Variants in UBE3B observed in about 807,000 individuals in gnomAD.
UBE3B encodes ubiquitin protein ligase E3B, also known as ubiquitin-protein ligase E3B.
A neutral mutation model predicts 132.3 loss-of-function variants in UBE3B; 80 were observed. The ratio of observed to expected loss-of-function variants is 0.60; its 90% CI spans 0.50 to 0.73. The LOEUF (loss-of-function observed/expected upper bound fraction) is 0.73. Among genes scored for constraint, UBE3B ranks in the 30% least tolerant of loss-of-function variants. The pLI is 0.00. For synonymous variants in UBE3B, 487 were observed against 520.4 expected (o/e 0.94, Z 0.87); for missense variants, 1,196 against 1,362.5 (o/e 0.88, Z 1.92).
At chr12:109,507,793 C>T (rs754894664) in intron 15 of UBE3B, 58 bp downstream of exon 15, 2 of 1,551,768 alleles carry the variant, frequency 1.3e-6, no homozygotes, top group Non-Finnish European at 8.8e-7. Context: ...GACCAAAATA[C>T]AGTGTCAGTA....
chr12:109,510,573 T>C (rs1880256389), intron 17 of UBE3B, 115 bp downstream of exon 17: 1 of 808,506 alleles, frequency 1.2e-6, no homozygotes, highest in African/African-American at 1.7e-5. Context: ...TGCTTCATTT[T>C]GTCTGTTCAT....
chr12:109,488,760 C>A, intron 7 of UBE3B, 92 bp downstream of exon 7: 2 of 1,256,244 alleles, frequency 1.6e-6, no homozygotes, highest in Non-Finnish European at 2.3e-6. Context: ...ATTTTTGCCA[C>A]AAGCCTCAGG....
intron 11 of UBE3B, among the ~76,000 whole-genome samples, 193 bp downstream of exon 11, chr12:109,498,546 G>A (rs749563584): frequency 7.2e-5 from 11 of 152,168 alleles, no homozygotes; most frequent in Non-Finnish European, 5.9e-5. Context: ...TTCCAGCCTG[G>A]CAAACTAGTT....
At chr12:109,507,166 C>G (rs958083525) in intron 14 of UBE3B, among the ~76,000 whole-genome samples, 1 of 152,208 alleles carries the variant, frequency 6.6e-6, no homozygotes, top group Non-Finnish European at 1.5e-5. Context: ...AATTGCTGAT[C>G]CCTGATTTAA....
At chr12:109,524,596 A>G (rs568362592) in intron 23 of UBE3B, 93 bp downstream of exon 23, 8 of 1,394,790 alleles carry the variant, frequency 5.7e-6, no homozygotes, top group South Asian at 4.9e-5. Context: ...AAGAGCCCCA[A>G]GCTGAGGCTC....
At chr12:109,486,597 A>AAAAAAAAAAAAAAC in intron 6 of UBE3B, 22 bp downstream of exon 6, 1 of 1,454,534 alleles carries the variant, frequency 6.9e-7, no homozygotes, top group Non-Finnish European at 9.4e-7. Context: ...AAAAAAAAAA[A>AAAAAAAAAAAAAAC]AAAAAAGCAA....
chr12:109,494,134 C>T (rs1015921911), intron 9 of UBE3B, among the ~76,000 whole-genome samples: 13 of 152,198 alleles, frequency 8.5e-5, no homozygotes, highest in African/African-American at 2.6e-4. Flanking sequence ...GGCTTTTCTC[C>T]ATTTTATAGA....
downstream of UBE3B, among the ~76,000 whole-genome samples, chr12:109,540,963 C>G (rs1716210670): frequency 2.0e-5 from 3 of 152,144 alleles, no homozygotes; most frequent in African/African-American, 7.2e-5. Context: ...CTGAGGTGGT[C>G]CTCTCCTCCT....
At chr12:109,494,086 A>G (rs1233532575) in intron 9 of UBE3B, among the ~76,000 whole-genome samples, 1 of 152,104 alleles carries the variant, frequency 6.6e-6, no homozygotes, top group East Asian at 1.9e-4. Flanking sequence ...TCAGCCTCTC[A>G]AAAAGTGCTG....
chr12:109,488,802 C>G lies in UBE3B; in HGVS notation c.544+134C>G, dbSNP rs1351237385. 3 of 754,592 alleles carry G rather than the reference C, an allele frequency of 4.0e-6. No individual in the cohort carries two copies. In the East Asian group the frequency reaches 7.5e-5, roughly 19 times the overall value. The allele number at this position is 754,592 out of a possible 1,614,324, so 46.7% of individuals were successfully genotyped here. The stretch of plus-strand genomic sequence containing the variant: ...CCTGAGACCATACAAATGAGGATGC[C>G]CTTGGTGCTGACCATCAGACTGCAT... On this transcript the variant is annotated intron_variant, in intron 7 of 27. Coordinates refer to ENST00000342494, the MANE Select transcript of UBE3B (RefSeq NM_130466.4).
intron 4 of UBE3B, among the ~76,000 whole-genome samples, chr12:109,484,435 G>A (rs898862663): frequency 6.6e-6 from 1 of 152,116 alleles, no homozygotes; most frequent in Non-Finnish European, 1.5e-5. Flanking sequence ...TCTGTCGCCA[G>A]GCTGGTGTGC....
At chr12:109,489,771 C>A in intron 7 of UBE3B, 148 bp from the exon 8 acceptor site, 1 of 712,316 alleles carries the variant, frequency 1.4e-6, no homozygotes, top group Non-Finnish European at 2.4e-6. Flanking sequence ...TTTCTGTGCT[C>A]TGGCACCAGG....
At position 109,534,591 on chromosome 12, in the gene UBE3B, G is replaced by T; in HGVS notation, c.3016G>T (p.Asp1006Tyr). 1 of 1,606,494 alleles carries T rather than the reference G, an allele frequency of 6.2e-7. No homozygotes were observed. The highest frequency in any genetic ancestry group is 1.3e-5 in the African/African-American group (1 of 74,616). Residue 1006 changes from aspartate (D) to tyrosine (Y), a missense_variant and splice_region_variant, in exon 28 of 28, where the codon GAC becomes TAC. By Grantham distance (160) the Asp-to-Tyr change is radical. Coordinates refer to ENST00000342494, the MANE Select transcript of UBE3B (RefSeq NM_130466.4). This position sits in a 1 kb window ranked among gnomAD's most constrained non-coding sequence, Gnocchi z 5.2. The stretch of plus-strand genomic sequence containing the variant: ...TCAAGGCCACGATGTGTGCCTTCAG[G>T]ACACCGGGGACACTCTGGGCAGCGT... Reference protein sequence around the residue: ...IRCVEVSDDQDTGDTLGSVLR... With the variant: ...IRCVEVSDDQYTGDTLGSVLR...
In UBE3B at chr12:109,497,915, A is replaced by T; in HGVS notation, c.811A>T (p.Thr271Ser). 2.5e-6 allele frequency: 4 copies of T among 1,614,082 alleles called. No individual in the cohort carries two copies. The highest frequency in any genetic ancestry group is 3.4e-6 in the Non-Finnish European group (4 of 1,179,996). ...TCTGGTGACTCATCTCAGCACAGTG[A>T]CCCCTGAGGTAAGCAGGCTCTGTGA... ...PALVTHLSTV[T>S]PERLTVLESH... The change falls in exon 10 of 28, where the codon ACC becomes TCC. Residue 271 changes from threonine (T) to serine (S), a missense_variant. Thr to Ser is a moderately conservative substitution (Grantham distance 58, BLOSUM62 1). Transcript: ENST00000342494.
Position 109,509,610 on chromosome 12 carries a change from T to C in UBE3B, c.1637T>C (p.Ile546Thr), listed in dbSNP as rs753003633. 7 of 1,603,552 alleles carry C rather than the reference T, an allele frequency of 4.4e-6. No homozygotes were observed. The highest frequency in any genetic ancestry group is 1.8e-5 in the Admixed American group (1 of 56,890). Reference protein sequence around the residue: ...SRHLITILDDIEVYEEQISFK... With the variant: ...SRHLITILDDTEVYEEQISFK... ...CTCTGATTTAGAATCCTTGATGACATTGAAGTTTATGAAGAACAGATTTCA... is the reference window on the plus strand; with the variant it reads ...CTCTGATTTAGAATCCTTGATGACACTGAAGTTTATGAAGAACAGATTTCA... Residue 546 changes from isoleucine (I) to threonine (T), a missense_variant, in exon 16 of 28, where the codon ATT becomes ACT. Ile to Thr is a moderately conservative substitution (Grantham distance 89, BLOSUM62 -1). Coordinates refer to ENST00000342494, the MANE Select transcript of UBE3B (RefSeq NM_130466.4).
rs747834266 is a variant in UBE3B at position 109,483,855 on chromosome 12, T to C, written c.162-6T>C. On this transcript the variant is annotated splice_region_variant and splice_polypyrimidine_tract_variant and intron_variant, in intron 3 of 27. Coordinates refer to ENST00000342494, the MANE Select transcript of UBE3B (RefSeq NM_130466.4). ...AAAATGTCTTTTTTTGCACTTTCTTTTCTAGGAGAGAGATTGATGACTTTT... is the reference window on the plus strand; with the variant it reads ...AAAATGTCTTTTTTTGCACTTTCTTCTCTAGGAGAGAGATTGATGACTTTT... 1.9e-6 allele frequency: 3 copies of C among 1,606,950 alleles called. No homozygotes were observed. Among genetic ancestry groups the C allele is most frequent in the East Asian group, 4.5e-5 (2 of 44,786 alleles).
chr12:109,531,546 C>A (rs563124554), intron 26 of UBE3B, among the ~76,000 whole-genome samples: 1 of 152,138 alleles, frequency 6.6e-6, no homozygotes, highest in Non-Finnish European at 1.5e-5. Context: ...CATGTGGCCT[C>A]ATCTGTTGAG....
chr12:109,490,700 TATTA>T, intron 8 of UBE3B: 1 of 1,442,824 alleles, frequency 6.9e-7, no homozygotes, highest in Non-Finnish European at 9.1e-7. Flanking sequence ...TTAACTTTAT[TATTA>T]AAGAATTTCT....
rs1169904990 is a variant in UBE3B at position 109,494,282 on chromosome 12, C to T, written c.713+3155C>T. ...CTTCTTATTCTTTGTACTTGCCTCA[C>T]ATGTTGGACACATTTTTGTATTCTA... On this transcript the variant is annotated intron_variant, in intron 9 of 27. Coordinates refer to ENST00000342494, the MANE Select transcript of UBE3B (RefSeq NM_130466.4). Among the ~76,000 whole-genome samples the T allele has an allele frequency of 2.0e-5, 3 of 152,212 alleles. No individual in the cohort carries two copies. In the East Asian group the frequency reaches 5.8e-4, roughly 29 times the overall value.
Sources: allele counts gnomAD v4.1 joint callset (sites outside exome capture counted in the v4.1 genomes callset), GRCh38; gene constraint gnomAD v4.1.1; non-coding constraint Gnocchi (gnomAD v3.1); transcripts MANE v1.5; gene names NCBI Gene and HGNC (gene_info 2026-07-23, HGNC 2026-07-21).